Variants in CADPS observed in about 807,000 individuals in gnomAD.
CADPS encodes the protein calcium-dependent secretion activator 1.
In CADPS, 57 loss-of-function variants were observed where a neutral mutation model predicts 167.3. That is an observed-to-expected ratio of 0.34 (90% CI 0.28 to 0.42). The LOEUF (loss-of-function observed/expected upper bound fraction) is 0.42, where lower values mean the gene tolerates loss of function less well. Ranked by LOEUF, CADPS falls within the 20% of genes least tolerant of loss-of-function variation. The pLI is 1.00. For missense variants in CADPS, 1,414 were observed against 1,738.1 expected (o/e 0.81, Z 3.32); for synonymous variants, 676 against 635.3 (o/e 1.06, Z -0.96).
At chr3:62,476,567 C>T (rs761574207) in intron 23 of CADPS, among the ~76,000 whole-genome samples, 11 of 152,180 alleles carry the variant, frequency 7.2e-5, no homozygotes, top group Non-Finnish European at 1.3e-4. Flanking sequence ...AAAAGATCCA[C>T]TCCCTGGCTC....
intron 2 of CADPS, among the ~76,000 whole-genome samples, chr3:62,754,683 T>A (rs967911265): frequency 1.3e-5 from 2 of 152,072 alleles, no homozygotes; most frequent in Non-Finnish European, 2.9e-5. Context: ...AGAGACAGGG[T>A]CTTGCTGTGT....
At chr3:62,505,283 C>G (rs2066461108) in intron 17 of CADPS, among the ~76,000 whole-genome samples, 3 of 152,202 alleles carry the variant, frequency 2.0e-5, no homozygotes, top group Non-Finnish European at 4.4e-5. Context: ...TCAAAAGGTT[C>G]CAGCTCTAGG....
chr3:62,782,734 G>A (rs1206810296), intron 1 of CADPS, among the ~76,000 whole-genome samples: 1 of 151,476 alleles, frequency 6.6e-6, no homozygotes, highest in East Asian at 1.9e-4. Flanking sequence ...GATTTTAGGA[G>A]TTTTGCATAT....
intron 26 of CADPS, among the ~76,000 whole-genome samples, chr3:62,449,525 T>C (rs189486805): frequency 6.6e-6 from 1 of 152,266 alleles, no homozygotes; most frequent in Admixed American, 6.5e-5. Context: ...TCCATAGGAA[T>C]ATGTCTTTTT....
At chr3:62,456,391 AT>A (rs1315190658) in intron 26 of CADPS, among the ~76,000 whole-genome samples, 1 of 152,198 alleles carries the variant, frequency 6.6e-6, no homozygotes, top group African/African-American at 2.4e-5. Context: ...AATAAATACA[AT>A]ATAACTAAAA....
chr3:62,658,814 G>T (rs761859411), intron 4 of CADPS, among the ~76,000 whole-genome samples: 3 of 152,136 alleles, frequency 2.0e-5, no homozygotes, highest in Admixed American at 2.0e-4. Flanking sequence ...TGCACCAGGG[G>T]TTGGCCCTTG....
At chr3:62,431,858 CA>C in intron 28 of CADPS, among the ~76,000 whole-genome samples, 1 of 150,582 alleles carries the variant, frequency 6.6e-6, no homozygotes, top group African/African-American at 2.4e-5. Flanking sequence ...AAAAAGAGTA[CA>C]TTATATATAT....
At chr3:62,820,438 C>G (rs1478750125) in intron 1 of CADPS, among the ~76,000 whole-genome samples, 3 of 152,182 alleles carry the variant, frequency 2.0e-5, no homozygotes, top group Non-Finnish European at 4.4e-5. Flanking sequence ...ATATCCAATA[C>G]TCTGGGGTTT....
chr3:62,771,280 G>A (rs140865234), intron 1 of CADPS, among the ~76,000 whole-genome samples: 2 of 152,264 alleles, frequency 1.3e-5, no homozygotes, highest in East Asian at 1.9e-4. Context: ...AGGCTCTGGC[G>A]ATATAACAGT....
intron 17 of CADPS, among the ~76,000 whole-genome samples, chr3:62,509,341 C>T (rs911510171): frequency 1.3e-5 from 2 of 148,812 alleles, no homozygotes; most frequent in African/African-American, 4.9e-5. Flanking sequence ...AAGAGAACCA[C>T]TTAGTCCCTC....
intron 1 of CADPS, among the ~76,000 whole-genome samples, chr3:62,812,712 T>C (rs2094443941): frequency 1.3e-5 from 2 of 152,184 alleles, no homozygotes; most frequent in South Asian, 4.1e-4. Context: ...GAAAGAAAGC[T>C]CTTTTAGGAA....
At chr3:62,690,973 A>G (rs1240316441) in intron 3 of CADPS, among the ~76,000 whole-genome samples, 2 of 152,086 alleles carry the variant, frequency 1.3e-5, no homozygotes, top group Non-Finnish European at 2.9e-5. Context: ...ACATTTAGAC[A>G]ATAGAATATT....
In CADPS at chr3:62,549,915, T is replaced by C. The variant is rs758155374; in HGVS notation, c.1954A>G (p.Ile652Val). ...GGNVPQLDAP[I>V]SQFYADRAQK... ...CATATTTACTTACAAAATTGAGAGATAGGGGCATCCAGCTGAGGTACATTT... is the reference window on the plus strand; with the variant it reads ...CATATTTACTTACAAAATTGAGAGACAGGGGCATCCAGCTGAGGTACATTT... The change falls in exon 11 of 30, where the codon ATC becomes GTC. Residue 652 changes from isoleucine (I) to valine (V), a missense_variant. Physicochemically the swap from Ile to Val is conservative, Grantham distance 29. Coordinates refer to ENST00000383710, the MANE Select transcript of CADPS (RefSeq NM_003716.4). 15 of 1,613,742 alleles carry C rather than the reference T, an allele frequency of 9.3e-6. No individual in the cohort carries two copies. The highest frequency in any genetic ancestry group is 2.2e-5 in the East Asian group (1 of 44,868).
At chr3:62,553,903 T>C (rs1246829477) in intron 10 of CADPS, among the ~76,000 whole-genome samples, 1 of 152,174 alleles carries the variant, frequency 6.6e-6, no homozygotes, top group Admixed American at 6.5e-5. Flanking sequence ...TGGGCTCTCC[T>C]TGGAGAACGA....
chr3:62,827,767 T>TC (rs1051865348), intron 1 of CADPS, among the ~76,000 whole-genome samples: 37 of 151,978 alleles, frequency 2.4e-4, no homozygotes, highest in African/African-American at 8.7e-4. Context: ...ATATTTTTTT[T>TC]AAAAGAGGGA....
intron 21 of CADPS, among the ~76,000 whole-genome samples, chr3:62,484,312 A>G (rs1477299576): frequency 6.6e-6 from 1 of 152,216 alleles, no homozygotes. Flanking sequence ...AGGTAATTCT[A>G]AGCATAATAT....
chr3:62,404,775 ATTTTTTTTTTTT>A lies in CADPS; in HGVS notation c.3778-1602_3778-1591del, dbSNP rs35095820. 3.0e-5 allele frequency: 3 copies of A among 99,740 alleles called. No individual in the cohort carries two copies. The South Asian group carries it at 1.1e-3, about 37-fold the overall frequency. The allele number at this position is 99,740 out of a possible 1,614,324, so 6.2% of individuals were successfully genotyped here. A position where few individuals can be genotyped will look rare whatever the true frequency, so the allele number is the denominator to read the frequency against. On this transcript the variant is annotated intron_variant, in intron 28 of 29. Coordinates refer to ENST00000383710, the MANE Select transcript of CADPS (RefSeq NM_003716.4). ...AGGGAGCAGGAGGGGTAGGAAGTAG[ATTTTTTTTTTTT>A]TTTTTTTTTTTTGGAGATTTGCAGT...
chr3:62,626,817 A>G (rs1271131376), intron 6 of CADPS, among the ~76,000 whole-genome samples: 1 of 152,222 alleles, frequency 6.6e-6, no homozygotes, highest in African/African-American at 2.4e-5. Context: ...AAAGAAAAAT[A>G]TAAAACAAAT....
At chr3:62,652,611 G>A (rs77180909) in intron 4 of CADPS, among the ~76,000 whole-genome samples, 12,414 of 151,788 alleles carry the variant, frequency 0.082, 571 homozygotes, top group South Asian at 0.15. Flanking sequence ...ACTGGATCAG[G>A]TCAAAGCAGA....
Sources: gnomAD v4.1 joint callset for allele counts (sites outside exome capture counted in the v4.1 genomes callset) on GRCh38, gnomAD v4.1.1 for gene constraint, MANE v1.5 for transcripts, NCBI Gene and HGNC (gene_info 2026-07-23, HGNC 2026-07-21) for gene names.